The following TMEFF2 variants were observed in gnomAD, a reference collection of about 807,000 sequenced individuals.
TMEFF2 encodes the protein transmembrane protein with EGF like and two follistatin like domains 2.
TMEFF2 carries 28 observed loss-of-function variants against 53.8 expected under a neutral mutation model. That is an observed-to-expected ratio of 0.52 (90% CI 0.39 to 0.71). The LOEUF is 0.71. Among genes scored for constraint, TMEFF2 ranks in the 30% least tolerant of loss-of-function variants. TMEFF2 has a pLI of 0.00. For synonymous variants in TMEFF2, 162 were observed against 166.3 expected (o/e 0.97, Z 0.20); for missense variants, 353 against 455.2 (o/e 0.78, Z 2.04).
chr2:192,135,732 T>C (rs1270224207), intron 4 of TMEFF2, among the ~76,000 whole-genome samples: 2 of 152,074 alleles, frequency 1.3e-5, no homozygotes, highest in Admixed American at 6.6e-5. Flanking sequence ...CTTGCACATA[T>C]ACACCCAGAT....
At chr2:192,033,074 A>T (rs544749088) in intron 5 of TMEFF2, among the ~76,000 whole-genome samples, 16 of 152,212 alleles carry the variant, frequency 1.1e-4, no homozygotes, top group Admixed American at 9.2e-4. Flanking sequence ...ATACCCACTC[A>T]CCTCAAGCCC....
rs1559063310 is a variant in TMEFF2, at chr2:191,964,340, CTTTCTTTCT to C, written c.746-7971_746-7963del. The stretch of plus-strand genomic sequence containing the variant: ...CCTTCCTTCCTTTCTTTCCTTCTTT[CTTTCTTTCT>C]TTCTTTCTTTCTTTCTTTCTTTCTC... On this transcript the variant is annotated intron_variant, in intron 7 of 9. Transcript: ENST00000272771. 2.8e-4 allele frequency among the ~76,000 whole-genome samples: 13 copies of C among 46,436 alleles called. 1 individual carries two copies. Among genetic ancestry groups the C allele is most frequent in the African/African-American group, 1.0e-3 (13 of 12,902 alleles). The allele number at this position is 46,436 out of a possible 152,430, so 30.5% of individuals were successfully genotyped here. A position where few individuals can be genotyped will look rare whatever the true frequency, so the allele number is the denominator to read the frequency against.
intron 4 of TMEFF2, among the ~76,000 whole-genome samples, chr2:192,103,248 A>G (rs576291791): frequency 6.6e-6 from 1 of 152,264 alleles, no homozygotes; most frequent in East Asian, 1.9e-4. Context: ...ACTATCCCAA[A>G]GTGGGTACAA....
At chr2:191,996,052 C>T (rs1686214574) in intron 7 of TMEFF2, among the ~76,000 whole-genome samples, 1 of 151,728 alleles carries the variant, frequency 6.6e-6, no homozygotes, top group Admixed American at 6.6e-5. Flanking sequence ...AGAACAGTGA[C>T]ACTCAACATT....
intron 5 of TMEFF2, among the ~76,000 whole-genome samples, chr2:192,016,548 A>G (rs1574293207): frequency 6.6e-6 from 1 of 152,342 alleles, no homozygotes; most frequent in East Asian, 1.9e-4. Flanking sequence ...AAATATGCCA[A>G]GGATCCTGTG....
intron 4 of TMEFF2, among the ~76,000 whole-genome samples, chr2:192,070,522 C>A (rs921447865): frequency 1.3e-5 from 2 of 151,932 alleles, no homozygotes; most frequent in Non-Finnish European, 2.9e-5. Flanking sequence ...AATTCACAGT[C>A]TTTACCATTG....
intron 4 of TMEFF2, among the ~76,000 whole-genome samples, chr2:192,165,265 G>GCCTGGGTGTAAATCT (rs1419196814): frequency 1.3e-4 from 20 of 152,148 alleles, no homozygotes; most frequent in African/African-American, 4.8e-4. Context: ...AGGTCCAGGA[G>GCCTGGGTGTAAATCT]CCTGGGTGTA....
intron 4 of TMEFF2, among the ~76,000 whole-genome samples, chr2:192,063,688 G>A (rs544379562): frequency 2.1e-4 from 32 of 151,526 alleles, no homozygotes; most frequent in Admixed American, 2.0e-3. Context: ...TTTGCGTCTA[G>A]TTCTCTTTTG....
intron 5 of TMEFF2, 137 bp downstream of exon 5, chr2:192,057,542 A>C (rs1574334244): frequency 1.4e-6 from 1 of 696,476 alleles, no homozygotes; most frequent in East Asian, 3.2e-5. Context: ...CCTTGCCCTC[A>C]TTTTTTTTTT....
chr2:192,069,988 G>GTA (rs55800219), intron 4 of TMEFF2, among the ~76,000 whole-genome samples: 23 of 118,834 alleles, frequency 1.9e-4, no homozygotes, highest in African/African-American at 3.4e-4. Flanking sequence ...GTGTGTGTGT[G>GTA]TATATATATA....
chr2:192,111,923 C>T (rs1024679360), intron 4 of TMEFF2, among the ~76,000 whole-genome samples: 1 of 152,184 alleles, frequency 6.6e-6, no homozygotes, highest in Non-Finnish European at 1.5e-5. Context: ...TGGTGTTGAG[C>T]CTGTGGGTGC....
intron 4 of TMEFF2, among the ~76,000 whole-genome samples, chr2:192,126,546 G>A (rs894937794): frequency 8.5e-5 from 13 of 152,158 alleles, no homozygotes; most frequent in African/African-American, 2.9e-4. Context: ...GATACTGACT[G>A]TATTTTTTAG....
At chr2:192,140,313 T>C (rs959677964) in intron 4 of TMEFF2, among the ~76,000 whole-genome samples, 1 of 152,124 alleles carries the variant, frequency 6.6e-6, no homozygotes, top group Non-Finnish European at 1.5e-5. Flanking sequence ...ATGTGGAGGG[T>C]CCTTATGGTG....
chr2:192,128,490 A>C (rs10497725), intron 4 of TMEFF2, among the ~76,000 whole-genome samples: 43,574 of 152,114 alleles, frequency 0.29, 7,331 homozygotes, highest in Admixed American at 0.38. Flanking sequence ...GGACATCTTA[A>C]AAATGAATTC....
intron 5 of TMEFF2, among the ~76,000 whole-genome samples, chr2:192,011,946 G>A (rs554637966): frequency 7.8e-4 from 118 of 152,178 alleles, no homozygotes; most frequent in African/African-American, 2.8e-3. Flanking sequence ...GAGTGCAGTG[G>A]CGCAGTCTCC....
intron 5 of TMEFF2, among the ~76,000 whole-genome samples, chr2:192,012,053 A>G (rs2105850600): frequency 6.6e-6 from 1 of 151,900 alleles, no homozygotes; most frequent in Non-Finnish European, 1.5e-5. Flanking sequence ...CGCCCGGCCC[A>G]CCACCAGGCC....
At chr2:192,116,038 T>C (rs753669876) in intron 4 of TMEFF2, among the ~76,000 whole-genome samples, 2 of 152,074 alleles carry the variant, frequency 1.3e-5, no homozygotes, top group Non-Finnish European at 2.9e-5. Context: ...CACTTCCATG[T>C]TCATTACAGC....
intron 8 of TMEFF2, among the ~76,000 whole-genome samples, chr2:191,954,594 A>C (rs1250758257): frequency 6.6e-6 from 1 of 152,180 alleles, no homozygotes; most frequent in Non-Finnish European, 1.5e-5. Flanking sequence ...AACATTCTCT[A>C]TGCCATTGTC....
intron 4 of TMEFF2, among the ~76,000 whole-genome samples, chr2:192,112,131 GAGA>G (rs1689294436): frequency 6.6e-6 from 1 of 152,192 alleles, no homozygotes; most frequent in South Asian, 2.1e-4. Flanking sequence ...GTGGAGCTGA[GAGA>G]AGAAGACCAT....
Sources: allele counts gnomAD v4.1 joint callset (sites outside exome capture counted in the v4.1 genomes callset), GRCh38; gene constraint gnomAD v4.1.1; transcripts MANE v1.5; gene names NCBI Gene and HGNC (gene_info 2026-07-23, HGNC 2026-07-21).